Variants in TTN observed in about 807,000 individuals in gnomAD.
The protein encoded by TTN is connectin.
Under a neutral mutation model 3,223.0 loss-of-function variants are expected in TTN, and 1,525 were observed. That is an observed-to-expected ratio of 0.47 (90% confidence interval 0.45 to 0.49). TTN has a LOEUF of 0.49. Ranked by LOEUF, TTN falls within the 20% of genes least tolerant of loss-of-function variation. TTN has a pLI of 0.00. For synonymous variants in TTN, 14,094 were observed against 15,161.0 expected (o/e 0.93, Z 5.17); for missense variants, 40,786 against 43,424.0 (o/e 0.94, Z 5.40).
rs754169563 is a variant in TTN, at chr2:178,740,323, A to T, written c.12910T>A (p.Leu4304Met). ...TCCAGTGGATTTGCACTTTCTATCA[A>T]AATTTTACCTCCTTCTGTGCATGAG... ...EHSCTEGGKI[L>M]IESANPLENA... Residue 4304 changes from leucine to methionine, a missense_variant, in exon 48 of 363, where the codon TTG (leucine) becomes ATG (methionine). Leu to Met is a conservative substitution (Grantham distance 15). Coordinates refer to ENST00000589042, the MANE Select transcript of TTN (RefSeq NM_001267550.2). 1.9e-6 allele frequency: 3 copies of T among 1,613,574 alleles called. No individual in the cohort carries two copies. Among genetic ancestry groups the T allele is most frequent in the South Asian group, 1.1e-5 (1 of 91,076 alleles).
Position 178,614,352 on chromosome 2 carries a change from T to C in TTN, c.49049-4A>G. ...GCAGCTGGTGGTCCGGGTTTATCTG[T>C]GTATGGCATTACAGATGCAGAAAAA... On this transcript the variant is annotated splice_polypyrimidine_tract_variant and splice_region_variant and intron_variant, in intron 261 of 362. Transcript: ENST00000589042. 1 of 1,602,798 alleles carries C rather than the reference T, an allele frequency of 6.2e-7. No individual in the cohort carries two copies. The highest frequency in any genetic ancestry group is 8.5e-7 in the Non-Finnish European group (1 of 1,176,828).
At chr2:178,642,061 T>A (rs974270595) in intron 219 of TTN, among the ~76,000 whole-genome samples, 176 bp downstream of exon 219, 1 of 151,624 alleles carries the variant, frequency 6.6e-6, no homozygotes, top group Non-Finnish European at 1.5e-5. Flanking sequence ...TCTTTTTTTT[T>A]TAAAAAAAAA....
intron 25 of TTN, 25 bp from the exon 26 acceptor site, chr2:178,777,609 G>A: frequency 3.7e-6 from 6 of 1,613,492 alleles, no homozygotes; most frequent in Non-Finnish European, 5.1e-6. Context: ...TTAAAAGAAA[G>A]TAGATTTTAA....
In TTN at chr2:178,600,879, G is replaced by A; in HGVS notation, c.56025C>T (p.Gly18675=). 6.2e-7 allele frequency: 1 copy of A among 1,612,774 alleles called. No homozygotes were observed. The highest frequency in any genetic ancestry group is 1.1e-5 in the South Asian group (1 of 91,030). ...ATGTCTGGTCTTTGACAGTCACAGG[G>A]CCAACAGTGGCTGAAGGCTTGCTGA... ...AGVSKPSATV[G]PVTVKDQTCP... is the part of the protein sequence containing the mutation. Residue 18675 remains glycine, a synonymous_variant, in exon 288 of 363, where the codon GGC becomes GGT. Coordinates refer to ENST00000589042, the MANE Select transcript of TTN (RefSeq NM_001267550.2).
intron 349 of TTN, chr2:178,541,963 C>CCTCT (rs1469967886): frequency 2.8e-5 from 8 of 287,670 alleles, no homozygotes; most frequent in Middle Eastern, 9.6e-4. Context: ...TCCTTCCTTT[C>CCTCT]CTCTCTTCCT....
chr2:178,725,995 G>A lies in TTN; in HGVS notation c.20327C>T (p.Ala6776Val), dbSNP rs200031306. The change falls in exon 70 of 363, where the codon GCT becomes GTT. Residue 6776 changes from alanine (A) to valine (V), a missense_variant. Physicochemically the swap from Ala to Val is moderately conservative, Grantham distance 64. Transcript: ENST00000589042. The part of the protein sequence containing the change: ...FPPIVETLKN[A>V]EVSLECELSG... ...AAGTTCACATTCAAGACTGACTTCAGCATTTTTAAGGGTTTCTACTATAGG... is the reference window on the plus strand; with the variant it reads ...AAGTTCACATTCAAGACTGACTTCAACATTTTTAAGGGTTTCTACTATAGG... The A allele has an allele frequency of 2.8e-5, 45 of 1,598,748 alleles. No individual in the cohort carries two copies. The highest frequency in any genetic ancestry group is 3.8e-5 in the Non-Finnish European group (45 of 1,171,614).
At chr2:178,783,186 A>G (rs1328346606) in intron 17 of TTN, 122 bp from the exon 18 acceptor site, 1 of 994,912 alleles carries the variant, frequency 1.0e-6, no homozygotes, top group Non-Finnish European at 1.5e-6. Context: ...CCTTTTAATC[A>G]GGACTCCAGA....
intron 111 of TTN, among the ~76,000 whole-genome samples, chr2:178,700,657 A>G (rs2074796898): frequency 6.6e-6 from 1 of 152,216 alleles, no homozygotes; most frequent in Non-Finnish European, 1.5e-5. Context: ...CAAATATTTC[A>G]TAAGTATTCT....
intron 223 of TTN, among the ~76,000 whole-genome samples, chr2:178,638,983 A>G (rs2060875278): frequency 6.6e-6 from 1 of 152,066 alleles, no homozygotes; most frequent in Non-Finnish European, 1.5e-5. Context: ...ATCTCAAATT[A>G]TCACTTAAAT....
intron 320 of TTN, 38 bp downstream of exon 320, chr2:178,578,768 G>A (rs1401352112): frequency 4.4e-6 from 7 of 1,604,136 alleles, no homozygotes; most frequent in African/African-American, 1.3e-5. Context: ...CCTCAAAACC[G>A]TGTTTTGCTT....
chr2:178,588,570 G>A lies in TTN; in HGVS notation c.63155C>T (p.Pro21052Leu). Residue 21052 changes from proline (P) to leucine (L), a missense_variant, in exon 304 of 363, where the codon CCT becomes CTT. Pro to Leu is a moderately conservative substitution (Grantham distance 98). Transcript: ENST00000589042. ...NEIGIGEPSL[P>L]SRPVVAKDPI... ...GTCTTTTGCCACCACCGGTCTTGAA[G>A]GCAAGCTTGGTTCTCCAATTCCAAT... 1.3e-6 allele frequency: 2 copies of A among 1,542,766 alleles called. No homozygotes were observed. The highest frequency in any genetic ancestry group is 8.7e-7 in the Non-Finnish European group (1 of 1,147,864).
At position 178,593,955 on chromosome 2, in the gene TTN, A is replaced by T; in HGVS notation, c.58432+6T>A. ...AGATCTATTCTTTCCACTAAATAAGACTTACCAACAACATTAACTTGACAG... is the reference window on the plus strand; with the variant it reads ...AGATCTATTCTTTCCACTAAATAAGTCTTACCAACAACATTAACTTGACAG... On this transcript the variant is annotated splice_donor_region_variant and intron_variant, in intron 297 of 362. Coordinates refer to ENST00000589042, the MANE Select transcript of TTN (RefSeq NM_001267550.2). 1 of 1,613,144 alleles carries T rather than the reference A, an allele frequency of 6.2e-7. No homozygotes were observed. The highest frequency in any genetic ancestry group is 1.1e-5 in the South Asian group (1 of 90,902).
intron 3 of TTN, 141 bp from the exon 4 acceptor site, chr2:178,800,823 C>T: frequency 1.1e-6 from 1 of 900,234 alleles, no homozygotes; most frequent in Non-Finnish European, 1.6e-6. Flanking sequence ...GAACCCAGCT[C>T]ACCCAGCAAT....
Position 178,632,228 on chromosome 2 carries a change from T to C in TTN, c.43666A>G (p.Lys14556Glu), listed in dbSNP as rs1553738199. The C allele has an allele frequency of 1.2e-6, 2 of 1,607,874 alleles. No individual in the cohort carries two copies. Among genetic ancestry groups the C allele is most frequent in the Admixed American group, 1.7e-5 (1 of 59,284 alleles). Residue 14556 changes from lysine (K) to glutamate (E), a missense_variant, in exon 236 of 363, where the codon AAA becomes GAA. Physicochemically the swap from Lys to Glu is moderately conservative, Grantham distance 56. Transcript: ENST00000589042. ...DEGKTHSITF[K>E]DLSIDDTSQI... Reference sequence around the variant, plus strand: ...GAGGTGTCATCAATAGACAGGTCTTTGAATGTGATCGAATGAGTTTTCCCT... The same window carrying C: ...GAGGTGTCATCAATAGACAGGTCTTCGAATGTGATCGAATGAGTTTTCCCT...
rs2079877748 is a variant in TTN, at chr2:178,728,958, C to T, written c.19080G>A (p.Gly6360=). The T allele has an allele frequency of 6.2e-7, 1 of 1,612,962 alleles. No individual in the cohort carries two copies. The highest frequency in any genetic ancestry group is 8.5e-7 in the Non-Finnish European group (1 of 1,179,506). ...CATTCTTGGCTTGACAGGTATATCT[C>T]CCACTGTGTCCATTATCCACACTTC... The part of the protein sequence containing the change: ...QIRSVDNGHS[G]RYTCQAKNES... The change falls in exon 65 of 363, where the codon GGG becomes GGA. Residue 6360 remains glycine, a synonymous_variant. Transcript: ENST00000589042.
intron 37 of TTN, among the ~76,000 whole-genome samples, 154 bp from the exon 38 acceptor site, chr2:178,769,087 A>G (rs1405178253): frequency 1.3e-5 from 2 of 151,974 alleles, no homozygotes; most frequent in African/African-American, 4.8e-5. Context: ...TCCATGTACT[A>G]TACAGGACAG....
In TTN at chr2:178,729,656, T is replaced by G; in HGVS notation, c.18589+8A>C. The G allele has an allele frequency of 6.2e-7, 1 of 1,613,694 alleles. No individual in the cohort carries two copies. Among genetic ancestry groups the G allele is most frequent in the African/African-American group, 1.3e-5 (1 of 75,016 alleles). On this transcript the variant is annotated splice_region_variant and intron_variant, in intron 63 of 362. Transcript: ENST00000589042. Reference sequence around the variant, plus strand: ...AGCCAAAATGGAGAATAGATTCCATTCACGAACCTTTCACTTTGAGTTCAA... The same window carrying G: ...AGCCAAAATGGAGAATAGATTCCATGCACGAACCTTTCACTTTGAGTTCAA...
rs183482849 is a variant in TTN at position 178,722,401 on chromosome 2, A to G, written c.22386T>C (p.Asp7462=). 2 of 1,613,432 alleles carry G rather than the reference A, an allele frequency of 1.2e-6. No homozygotes were observed. The highest frequency in any genetic ancestry group is 1.7e-4 in the Middle Eastern group (1 of 6,058). The part of the protein sequence containing the change: ...WYRDGVLLRD[D]ENLQTSFVDN... Reference sequence around the variant, plus strand: ...CTACAAATGAAGTCTGTAGATTTTCATCGTCTCTTAAAAGTACTCCATCTC... The same window carrying G: ...CTACAAATGAAGTCTGTAGATTTTCGTCGTCTCTTAAAAGTACTCCATCTC... Residue 7462 remains aspartate (D), a synonymous_variant, in exon 77 of 363, where the codon GAT becomes GAC. Transcript: ENST00000589042.
At chr2:178,755,129 G>A (rs1574348290) in intron 46 of TTN, among the ~76,000 whole-genome samples, 2 of 151,984 alleles carry the variant, frequency 1.3e-5, no homozygotes, top group Admixed American at 6.6e-5. Flanking sequence ...TTTTGACTAC[G>A]GGCACACAAC....
Sources: gnomAD v4.1 joint callset for allele counts (sites outside exome capture counted in the v4.1 genomes callset) on GRCh38, gnomAD v4.1.1 for gene constraint, MANE v1.5 for transcripts, NCBI Gene and HGNC (gene_info 2026-07-23, HGNC 2026-07-21) for gene names.